Variants in TACC2 observed in about 807,000 individuals in gnomAD.
The protein encoded by TACC2 is transforming acidic coiled-coil-containing protein 2.
In TACC2, 137 loss-of-function variants were observed where a neutral mutation model predicts 227.3. The observed-to-expected ratio is 0.60, with a 90% CI of 0.52 to 0.69. The LOEUF (loss-of-function observed/expected upper bound fraction) is 0.69, where lower values mean the gene tolerates loss of function less well. TACC2 is among the 30% of genes least tolerant of loss of function. TACC2 has a pLI of 0.00. For missense variants in TACC2, 3,470 were observed against 3,694.4 expected (o/e 0.94, Z 1.57); for synonymous variants, 1,523 against 1,487.5 (o/e 1.02, Z -0.55).
At chr10:122,177,129 T>G (rs2093756621) in intron 7 of TACC2, among the ~76,000 whole-genome samples, 1 of 152,230 alleles carries the variant, frequency 6.6e-6, no homozygotes. Flanking sequence ...GCCACTCCTG[T>G]GTCTGCAGTT....
intron 7 of TACC2, chr10:122,163,465 G>A (rs1354429270): frequency 1.5e-6 from 1 of 648,030 alleles, no homozygotes; most frequent in African/African-American, 2.0e-5. Context: ...CGGGGCAGAG[G>A]GAGGGTCTTC....
chr10:122,021,859 T>C (rs914024241), intron 1 of TACC2, 78 bp from the exon 2 acceptor site: 51 of 794,390 alleles, frequency 6.4e-5, no homozygotes, highest in Non-Finnish European at 7.3e-5. Context: ...GCTTTTGAGT[T>C]TGGGGAGATG....
rs2094148207 is a variant in TACC2, at chr10:122,185,342, CAT to C, written c.5835-9697_5835-9696del. Among the ~76,000 whole-genome samples the C allele has an allele frequency of 3.9e-5, 6 of 152,170 alleles. No homozygotes were observed. The East Asian group carries it at 7.7e-4, about 20-fold the overall frequency. ...TCCTGAGTAGCTGGGATTACAGGCA[CAT>C]GCCACCATGCCCAGCTACTTTTTGT... On this transcript the variant is annotated intron_variant, in intron 7 of 22. Coordinates refer to ENST00000369005, the MANE Select transcript of TACC2 (RefSeq NM_206862.4).
Position 122,050,482 on chromosome 10 carries a change from G to A in TACC2, c.78G>A (p.Gly26=). 1 of 1,614,056 alleles carries A rather than the reference G, an allele frequency of 6.2e-7. No individual in the cohort carries two copies. The highest frequency in any genetic ancestry group is 8.5e-7 in the Non-Finnish European group (1 of 1,180,014). Residue 26 remains glycine, a synonymous_variant, in exon 3 of 23, where the codon GGG becomes GGA. Coordinates refer to ENST00000369005, the MANE Select transcript of TACC2 (RefSeq NM_206862.4). The surrounding 1 kb of genome is among the most constrained non-coding windows in gnomAD (Gnocchi z 4.6). ...CTCCAAGGTCCGCGCAGCCACCCGG[G>A]AACAGTCAGAATATAAAAAGGAAGC... ...AQTPRSAQPP[G]NSQNIKRKQQ...
Position 122,216,770 on chromosome 10 carries a change from G to A in TACC2, c.7488G>A (p.Pro2496=), listed in dbSNP as rs35095099. 3.2e-3 allele frequency: 5,132 copies of A among 1,614,046 alleles called. 247 individuals are homozygous for A. In the Admixed American group the frequency reaches 0.08, roughly 25 times the overall value. The change falls in exon 11 of 23, where the codon CCG becomes CCA. Residue 2496 remains proline (P), a synonymous_variant. Coordinates refer to ENST00000369005, the MANE Select transcript of TACC2 (RefSeq NM_206862.4). ...TAGAGGCTGACAAACAGGACTACCC[G>A]CAGCCCTCGGACCTGTCCACCTTTG... ...VDLEADKQDY[P]QPSDLSTFVN... is the part of the protein sequence containing the mutation.
chr10:122,028,127 A>G (rs1197327884), intron 2 of TACC2, among the ~76,000 whole-genome samples: 1 of 96,502 alleles, frequency 1.0e-5, no homozygotes, highest in Non-Finnish European at 1.8e-5. Flanking sequence ...TCACTCTGTC[A>G]CCCAGACTGG....
chr10:122,241,721 C>T, intron 18 of TACC2: 3 of 578,826 alleles, frequency 5.2e-6, no homozygotes, highest in Non-Finnish European at 6.2e-6. Context: ...CACCACTCTA[C>T]CTGGTTTGAT....
rs74698591 is a variant in TACC2 at position 122,095,353 on chromosome 10, C to G, written c.5573+6762C>G. On this transcript the variant is annotated intron_variant, in intron 5 of 22. Coordinates refer to ENST00000369005, the MANE Select transcript of TACC2 (RefSeq NM_206862.4). Reference sequence around the variant, plus strand: ...GGCCATCGCCTTGCGGGGCATTTGACTCACCCGTAAAATGGAGCAAATAGT... The same window carrying G: ...GGCCATCGCCTTGCGGGGCATTTGAGTCACCCGTAAAATGGAGCAAATAGT... 1.3e-3 allele frequency among the ~76,000 whole-genome samples: 195 copies of G among 152,354 alleles called. 2 individuals are homozygous for G. In the East Asian group the frequency reaches 0.035, roughly 27 times the overall value.
intron 2 of TACC2, among the ~76,000 whole-genome samples, chr10:122,041,816 C>A (rs1410545164): frequency 6.6e-6 from 1 of 152,252 alleles, no homozygotes; most frequent in African/African-American, 2.4e-5. Flanking sequence ...TCCCCCAGCC[C>A]GGAGGGTCGG....
intron 3 of TACC2, among the ~76,000 whole-genome samples, chr10:122,061,019 A>AGG (rs796091726): frequency 0.016 from 273 of 16,548 alleles, no homozygotes; most frequent in Middle Eastern, 0.12. Flanking sequence ...AAAAAAAAAA[A>AGG]GGGGGGGGGG....
rs546612692 is a variant in TACC2 at position 122,150,876 on chromosome 10, T to G, written c.5834+7170T>G. ...AGCCTCTCGGCAGATACATCCCGGT[T>G]GATTCTATGCCACGGACTATTCGGA... On this transcript the variant is annotated intron_variant, in intron 7 of 22. Transcript: ENST00000369005. The surrounding 1 kb of genome is among the most constrained non-coding windows in gnomAD (Gnocchi z 4.0). 1.3e-5 allele frequency among the ~76,000 whole-genome samples: 2 copies of G among 152,304 alleles called. No individual in the cohort carries two copies. Among genetic ancestry groups the G allele is most frequent in the East Asian group, 3.9e-4 (2 of 5,160 alleles).
intron 13 of TACC2, 44 bp downstream of exon 13, chr10:122,226,525 T>C (rs777765014): frequency 7.2e-7 from 1 of 1,387,858 alleles, no homozygotes; most frequent in Admixed American, 1.8e-5. Flanking sequence ...TGCTGGATGT[T>C]CTAAAGCCTC....
chr10:122,143,477 TGGGCG>T lies in TACC2; in HGVS notation c.5700-92_5700-88del, dbSNP rs1555072995. 2.7e-5 allele frequency: 28 copies of T among 1,027,002 alleles called. No individual in the cohort carries two copies. The African/African-American group carries it at 3.6e-4, about 13-fold the overall frequency. The allele number at this position is 1,027,002 out of a possible 1,614,324, so 63.6% of individuals were successfully genotyped here. ...GGGTTTAAAGAGTCCATTCCATGTG[TGGGCG>T]GGTGGGTTGGGTGGGGTGAATGGGG... On this transcript the variant is annotated intron_variant, in intron 6 of 22. Transcript: ENST00000369005.
intron 16 of TACC2, among the ~76,000 whole-genome samples, chr10:122,233,599 T>C (rs999369250): frequency 3.9e-5 from 6 of 152,080 alleles, no homozygotes; most frequent in Admixed American, 3.9e-4. Context: ...TGTGTTTCCC[T>C]CTCCATTGCT....
chr10:122,096,350 CT>C (rs917707051), intron 5 of TACC2, among the ~76,000 whole-genome samples: 1 of 152,198 alleles, frequency 6.6e-6, no homozygotes, highest in Non-Finnish European at 1.5e-5. Context: ...GACAGCAGCG[CT>C]TGTGGCAAAC....
At chr10:122,020,691 T>C (rs1405484900) in intron 1 of TACC2, among the ~76,000 whole-genome samples, 2 of 152,186 alleles carry the variant, frequency 1.3e-5, no homozygotes, top group African/African-American at 4.8e-5. Flanking sequence ...ACTGAGTCTT[T>C]GGCAAGCTCC....
At chr10:122,126,755 T>C (rs1319201016) in intron 5 of TACC2, 1 of 152,138 alleles carries the variant, frequency 6.6e-6, no homozygotes, top group African/African-American at 2.4e-5. Flanking sequence ...AGCACTTTGC[T>C]TGATTCAGCT....
chr10:122,142,121 C>T (rs2090660877), intron 6 of TACC2, among the ~76,000 whole-genome samples: 1 of 152,216 alleles, frequency 6.6e-6, no homozygotes, highest in African/African-American at 2.4e-5. Flanking sequence ...TTCCTCCAAG[C>T]ACTTGTAATT....
At position 122,171,947 on chromosome 10, in the gene TACC2, G is replaced by C. The variant is rs1280746005; in HGVS notation, c.5835-23093G>C. ...CTCCTTGGGGATGTTCTAGAGGTCA[G>C]TTCCAAGGAAGGTGGGTGTTTACTG... On this transcript the variant is annotated intron_variant, in intron 7 of 22. Coordinates refer to ENST00000369005, the MANE Select transcript of TACC2 (RefSeq NM_206862.4). Among the ~76,000 whole-genome samples, 6 of 152,188 alleles carry C rather than the reference G, an allele frequency of 3.9e-5. No individual in the cohort carries two copies. The East Asian group carries it at 9.6e-4, about 24-fold the overall frequency.
Sources: allele counts gnomAD v4.1 joint callset (sites outside exome capture counted in the v4.1 genomes callset), GRCh38; gene constraint gnomAD v4.1.1; non-coding constraint Gnocchi (gnomAD v3.1); transcripts MANE v1.5; gene names NCBI Gene and HGNC (gene_info 2026-07-23, HGNC 2026-07-21).